Variants in CSMD1 observed in about 807,000 individuals in gnomAD.
CSMD1 encodes CUB and Sushi multiple domains 1, also known as CUB and sushi domain-containing protein 1.
In CSMD1, 213 loss-of-function variants were observed where a neutral mutation model predicts 417.5. The ratio of observed to expected loss-of-function variants is 0.51; its 90% CI spans 0.46 to 0.57. The LOEUF is 0.57. Among genes scored for constraint, CSMD1 ranks in the 20% least tolerant of loss-of-function variants. CSMD1 has a pLI of 0.00. For missense variants in CSMD1, 6,923 were observed against 4,529.7 expected (o/e 1.53, Z -15.17); for synonymous variants, 2,862 against 1,736.8 (o/e 1.65, Z -16.11).
At chr8:3,401,019 C>G (rs983256729) in intron 15 of CSMD1, among the ~76,000 whole-genome samples, 8 of 151,516 alleles carry the variant, frequency 5.3e-5, no homozygotes, top group Non-Finnish European at 1.2e-4. Flanking sequence ...ACATTTGCAG[C>G]CTATGAATCA....
At chr8:4,480,554 G>A (rs997600039) in intron 2 of CSMD1, among the ~76,000 whole-genome samples, 1 of 152,218 alleles carries the variant, frequency 6.6e-6, no homozygotes, top group East Asian at 1.9e-4. Flanking sequence ...GTCAAGCGGA[G>A]GTCCTGTTAC....
chr8:3,127,628 T>C (rs1314116814), intron 41 of CSMD1: 3 of 152,164 alleles, frequency 2.0e-5, no homozygotes, highest in Non-Finnish European at 4.4e-5. Context: ...ACACATTCGA[T>C]TATCTTTAAA....
intron 49 of CSMD1, among the ~76,000 whole-genome samples, chr8:3,080,012 AT>A (rs1813969065): frequency 6.6e-6 from 1 of 152,204 alleles, no homozygotes; most frequent in Non-Finnish European, 1.5e-5. Context: ...AAGCTTAATC[AT>A]GTAATTTGTG....
intron 3 of CSMD1, among the ~76,000 whole-genome samples, chr8:4,205,575 C>T (rs1431566944): frequency 2.0e-5 from 3 of 152,316 alleles, no homozygotes; most frequent in African/African-American, 7.2e-5. Context: ...AGTGACACAG[C>T]ATATAAATGA....
intron 6 of CSMD1, among the ~76,000 whole-genome samples, chr8:3,734,769 T>G (rs964275482): frequency 6.6e-6 from 1 of 152,170 alleles, no homozygotes; most frequent in Non-Finnish European, 1.5e-5. Context: ...TCTTCTGTAA[T>G]CAGATCTCTC....
At chr8:4,846,053 T>C (rs1011347116) in intron 1 of CSMD1, among the ~76,000 whole-genome samples, 1 of 152,176 alleles carries the variant, frequency 6.6e-6, no homozygotes, top group Non-Finnish European at 1.5e-5. Flanking sequence ...CTTTTGCCAA[T>C]CCCGGTTTGT....
chr8:4,360,392 C>G (rs7832387), intron 3 of CSMD1, among the ~76,000 whole-genome samples: 1 of 152,182 alleles, frequency 6.6e-6, no homozygotes, highest in African/African-American at 2.4e-5. Context: ...TTACTGCAAA[C>G]TCCATCTATA....
chr8:4,115,707 A>G (rs1802097965), intron 3 of CSMD1, among the ~76,000 whole-genome samples: 1 of 152,178 alleles, frequency 6.6e-6, no homozygotes, highest in East Asian at 1.9e-4. Flanking sequence ...GAGGTGAGTG[A>G]ATAAACTGTG....
At chr8:3,496,899 C>G (rs1796387888) in intron 10 of CSMD1, among the ~76,000 whole-genome samples, 1 of 152,164 alleles carries the variant, frequency 6.6e-6, no homozygotes, top group African/African-American at 2.4e-5. Context: ...TCTTCATAGA[C>G]CCATTGGACA....
chr8:3,101,946 T>C (rs550031257), intron 46 of CSMD1, among the ~76,000 whole-genome samples: 1 of 152,008 alleles, frequency 6.6e-6, no homozygotes, highest in African/African-American at 2.4e-5. Flanking sequence ...GGATTACAGA[T>C]GTCTGCCACC....
chr8:2,959,637 C>T (rs1208659751), intron 62 of CSMD1, among the ~76,000 whole-genome samples: 1 of 152,082 alleles, frequency 6.6e-6, no homozygotes, highest in East Asian at 1.9e-4. Context: ...GTTTCGGGGA[C>T]ACGCTGGCTG....
At chr8:4,188,164 C>A (rs112658131) in intron 3 of CSMD1, among the ~76,000 whole-genome samples, 12 of 152,142 alleles carry the variant, frequency 7.9e-5, no homozygotes, top group African/African-American at 2.9e-4. Flanking sequence ...ATTTAAATTG[C>A]ACGTCATTCT....
chr8:4,375,213 G>C (rs1490187411), intron 3 of CSMD1, among the ~76,000 whole-genome samples: 1 of 152,076 alleles, frequency 6.6e-6, no homozygotes, highest in African/African-American at 2.4e-5. Flanking sequence ...TGCCCACGGG[G>C]ATAGATAGTT....
chr8:3,947,460 G>A (rs994983970), intron 5 of CSMD1, among the ~76,000 whole-genome samples: 10 of 151,862 alleles, frequency 6.6e-5, no homozygotes, highest in African/African-American at 1.5e-4. Context: ...TTCTGTTTTC[G>A]TTTCATCCAG....
intron 5 of CSMD1, among the ~76,000 whole-genome samples, chr8:3,917,861 T>C (rs368606403): frequency 1.3e-5 from 2 of 152,258 alleles, no homozygotes; most frequent in East Asian, 3.9e-4. Context: ...TGCTTAGAAA[T>C]TTTAGGCCTT....
chr8:3,736,577 C>A (rs79572000), intron 6 of CSMD1, among the ~76,000 whole-genome samples: 26,489 of 152,148 alleles, frequency 0.17, 2,379 homozygotes, highest in East Asian at 0.29. Flanking sequence ...CCTGCCTCAC[C>A]ATGGCTCCCA....
chr8:3,045,323 G>T (rs947742331), intron 50 of CSMD1, among the ~76,000 whole-genome samples: 2 of 152,126 alleles, frequency 1.3e-5, no homozygotes. Context: ...ACAATGAGAA[G>T]CAATTTTGTT....
chr8:4,510,586 C>T (rs12545803), intron 2 of CSMD1, among the ~76,000 whole-genome samples: 57,711 of 148,540 alleles, frequency 0.39, 12,184 homozygotes, highest in Middle Eastern at 0.49. Flanking sequence ...CTTCCCTCCT[C>T]GCTTCCTTCC....
At chr8:3,912,872 G>C (rs114552220) in intron 5 of CSMD1, among the ~76,000 whole-genome samples, 1 of 152,180 alleles carries the variant, frequency 6.6e-6, no homozygotes, top group Non-Finnish European at 1.5e-5. Flanking sequence ...AGTAGTGATG[G>C]TGATGTAAGA....
Sources: gnomAD v4.1 joint callset for allele counts (sites outside exome capture counted in the v4.1 genomes callset) on GRCh38, gnomAD v4.1.1 for gene constraint, MANE v1.5 for transcripts, NCBI Gene and HGNC (gene_info 2026-07-23, HGNC 2026-07-21) for gene names.